CEP63: variants seen among roughly 807,000 people sequenced by gnomAD.
CEP63 encodes centrosomal protein 63, also known as centrosomal protein of 63 kDa.
Under a neutral mutation model 89.1 loss-of-function variants are expected in CEP63, and 84 were observed. The ratio of observed to expected loss-of-function variants is 0.94; its 90% CI spans 0.79 to 1.13. The LOEUF is 1.13. CEP63 is among the 50% of genes most tolerant of loss of function. The pLI, the probability that CEP63 is intolerant of heterozygous loss-of-function variation, is 0.00. For missense variants in CEP63, 838 were observed against 813.3 expected, an observed-to-expected ratio of 1.03 and a Z score of -0.37; for synonymous variants, 267 against 272.5, an observed-to-expected ratio of 0.98 and a Z score of 0.20.
rs142819975 is a variant in CEP63 at position 134,544,631 on chromosome 3, C to G, written c.556-955C>G. On this transcript the variant is annotated intron_variant, in intron 6 of 14. Transcript: ENST00000675561. ...TAAAACAGAATAATTACAACATGCT[C>G]TAGGTGGGGGGGGGAATTTAAACTA... Among the ~76,000 whole-genome samples the G allele has an allele frequency of 3.2e-3, 271 of 83,494 alleles. 9 individuals carry two copies. In the East Asian group the frequency reaches 0.097, roughly 30 times the overall value. 54.8% of individuals were successfully genotyped at this position (83,494 alleles called of 152,430 possible).
chr3:134,706,246 T>A, the CEP63 span, among the ~76,000 whole-genome samples: 749 of 152,292 alleles, frequency 4.9e-3, 2 homozygotes, highest in African/African-American at 0.017. Context: ...TTCTCAGGAA[T>A]TGAGGGTGTG....
intron 2 of CEP63, among the ~76,000 whole-genome samples, chr3:134,497,824 A>G (rs932217978): frequency 6.6e-6 from 1 of 152,124 alleles, no homozygotes; most frequent in Non-Finnish European, 1.5e-5. Flanking sequence ...CCATTTATTG[A>G]ATAGGGCGTC....
chr3:134,527,851 G>A (rs1948977167), intron 3 of CEP63, among the ~76,000 whole-genome samples: 1 of 152,068 alleles, frequency 6.6e-6, no homozygotes, highest in Non-Finnish European at 1.5e-5. Context: ...CCCATATGAT[G>A]GACAAGACTA....
chr3:134,597,576 A>C, the CEP63 span, among the ~76,000 whole-genome samples: 1 of 152,172 alleles, frequency 6.6e-6, no homozygotes, highest in Non-Finnish European at 1.5e-5. Flanking sequence ...GGTCTGCCTG[A>C]GCTTTTGAAC....
rs1299650813 is a variant in CEP63 at position 134,562,103 on chromosome 3, C to G, written c.*568C>G. 1 of 992,210 alleles carries G rather than the reference C, an allele frequency of 1.0e-6. No homozygotes were observed. 61.5% of individuals were successfully genotyped at this position (992,210 alleles called of 1,614,324 possible). ...AAAGAACCTTATCAAGCAGTCCTCTCTTGCTCAACACTCATGCAGAGGAGA... is the reference window on the plus strand; with the variant it reads ...AAAGAACCTTATCAAGCAGTCCTCTGTTGCTCAACACTCATGCAGAGGAGA... On this transcript the variant is annotated 3_prime_UTR_variant, in exon 15 of 15. Coordinates refer to ENST00000675561, the MANE Select transcript of CEP63 (RefSeq NM_001353108.3).
the CEP63 span, among the ~76,000 whole-genome samples, chr3:134,766,668 G>A: frequency 6.6e-6 from 1 of 152,204 alleles, no homozygotes; most frequent in Non-Finnish European, 1.5e-5. Context: ...GAGTGAGGCC[G>A]GAACAGTCAC....
At chr3:134,767,905 T>G in the CEP63 span, among the ~76,000 whole-genome samples, 1 of 152,214 alleles carries the variant, frequency 6.6e-6, no homozygotes, top group Admixed American at 6.5e-5. Flanking sequence ...AGAGCCTTCC[T>G]GAAGAAGAAG....
At chr3:134,614,439 C>A in the CEP63 span, among the ~76,000 whole-genome samples, 1 of 151,982 alleles carries the variant, frequency 6.6e-6, no homozygotes, top group East Asian at 1.9e-4. Context: ...CCAAGGAGCA[C>A]CCTGGAGGAT....
intron 10 of CEP63, among the ~76,000 whole-genome samples, chr3:134,584,956 G>GTTTTTTTTTTTTTTTTT (rs780691730): frequency 0.052 from 1,747 of 33,470 alleles, 141 homozygotes; most frequent in Non-Finnish European, 0.067. Flanking sequence ...ATTTTCTAGG[G>GTTTTTTTTTTTTTTTTT]TTTTTTTTTT....
At chr3:134,755,184 A>G in the CEP63 span, among the ~76,000 whole-genome samples, 8 of 151,928 alleles carry the variant, frequency 5.3e-5, no homozygotes, top group Non-Finnish European at 8.8e-5. Context: ...GAGCACTTCA[A>G]CATTCACCTA....
At chr3:134,671,864 C>A in the CEP63 span, among the ~76,000 whole-genome samples, 3 of 152,158 alleles carry the variant, frequency 2.0e-5, no homozygotes, top group Non-Finnish European at 1.5e-5. Flanking sequence ...ACCAACTGAG[C>A]TGTTTTCTCA....
chr3:134,487,708 C>T (rs747970678), intron 1 of CEP63, among the ~76,000 whole-genome samples: 1 of 152,318 alleles, frequency 6.6e-6, no homozygotes, highest in African/African-American at 2.4e-5. Context: ...TTTACAGAGC[C>T]ACAGTACTGT....
the CEP63 span, among the ~76,000 whole-genome samples, chr3:134,623,799 G>A: frequency 6.6e-6 from 1 of 152,114 alleles, no homozygotes; most frequent in South Asian, 2.1e-4. Context: ...CACAGCTCAC[G>A]CTGTTGACCA....
chr3:134,775,094 T>C, the CEP63 span, among the ~76,000 whole-genome samples: 62 of 152,210 alleles, frequency 4.1e-4, no homozygotes, highest in African/African-American at 1.4e-3. Flanking sequence ...GTGACTGTCT[T>C]AATAACATAC....
intron 2 of CEP63, among the ~76,000 whole-genome samples, chr3:134,500,414 G>A (rs1000810039): frequency 3.9e-5 from 6 of 152,100 alleles, no homozygotes; most frequent in African/African-American, 1.4e-4. Flanking sequence ...GAGCGCATGT[G>A]TCTTTTTGGT....
the CEP63 span, among the ~76,000 whole-genome samples, chr3:134,688,812 G>A: frequency 6.6e-6 from 1 of 152,212 alleles, no homozygotes; most frequent in African/African-American, 2.4e-5. Flanking sequence ...ACAAATGTCA[G>A]GGTCCCTGGC....
the CEP63 span, among the ~76,000 whole-genome samples, chr3:134,679,711 C>T: frequency 1.3e-5 from 2 of 152,120 alleles, no homozygotes; most frequent in Admixed American, 1.3e-4. Context: ...TCTAATCCAA[C>T]ATGACTGGCA....
At chr3:134,673,739 A>G in the CEP63 span, among the ~76,000 whole-genome samples, 1 of 152,110 alleles carries the variant, frequency 6.6e-6, no homozygotes, top group South Asian at 2.1e-4. Context: ...CCACCAGCAG[A>G]TGACCTCATC....
chr3:134,609,164 G>A, the CEP63 span, among the ~76,000 whole-genome samples: 4 of 152,216 alleles, frequency 2.6e-5, no homozygotes, highest in South Asian at 4.1e-4. Flanking sequence ...TGTGGACCAC[G>A]CAGTGGGGTC....
Sources: allele counts gnomAD v4.1 joint callset (sites outside exome capture counted in the v4.1 genomes callset), GRCh38; gene constraint gnomAD v4.1.1; transcripts MANE v1.5; gene names NCBI Gene and HGNC (gene_info 2026-07-23, HGNC 2026-07-21).